Variants in ETNK1 observed in about 807,000 individuals in gnomAD.
ETNK1 encodes the protein putative protein product of Nbla10396.
ETNK1 carries 8 observed loss-of-function variants against 45.1 expected under a neutral mutation model. The ratio of observed to expected loss-of-function variants is 0.18; its 90% CI spans 0.10 to 0.32. The LOEUF (loss-of-function observed/expected upper bound fraction) is 0.32. ETNK1 is among the 10% of genes least tolerant of loss of function. ETNK1 has a pLI of 1.00. For synonymous variants in ETNK1, 152 were observed against 151.9 expected, an observed-to-expected ratio of 1.00 and a Z score of -0.01; for missense variants, 302 against 430.6, an observed-to-expected ratio of 0.70 and a Z score of 2.64.
intron 1 of ETNK1, 26 bp from the exon 2 acceptor site, chr12:22,643,737 C>T: frequency 1.3e-6 from 2 of 1,556,384 alleles, no homozygotes; most frequent in Admixed American, 1.9e-5. Flanking sequence ...GCTTTTTTTC[C>T]CATTTTTAAA....
intron 2 of ETNK1, among the ~76,000 whole-genome samples, chr12:22,645,002 T>C (rs1953789685): frequency 6.6e-6 from 1 of 151,954 alleles, no homozygotes; most frequent in African/African-American, 2.4e-5. Context: ...TATATTAAAA[T>C]ATTTTGTCAT....
At chr12:22,652,324 TA>T (rs1953888147) in intron 2 of ETNK1, among the ~76,000 whole-genome samples, 2 of 152,224 alleles carry the variant, frequency 1.3e-5, no homozygotes, top group South Asian at 4.1e-4. Context: ...CATGGATATG[TA>T]AATATGTTTT....
intron 4 of ETNK1, among the ~76,000 whole-genome samples, chr12:22,662,833 C>G (rs928778744): frequency 6.6e-6 from 1 of 152,140 alleles, no homozygotes; most frequent in African/African-American, 2.4e-5. Context: ...CTGTTTATGA[C>G]CCTTCTTAGA....
chr12:22,663,118 G>A (rs1269898908), intron 4 of ETNK1, among the ~76,000 whole-genome samples: 1 of 152,140 alleles, frequency 6.6e-6, no homozygotes, highest in Non-Finnish European at 1.5e-5. Flanking sequence ...GTACTTGACA[G>A]TGTCCTTTAA....
chr12:22,681,592 GTA>G (rs1191099495), intron 6 of ETNK1, among the ~76,000 whole-genome samples: 1 of 151,770 alleles, frequency 6.6e-6, no homozygotes, highest in Non-Finnish European at 1.5e-5. Flanking sequence ...ATAATTAACA[GTA>G]TTTAACATAT....
intron 6 of ETNK1, among the ~76,000 whole-genome samples, chr12:22,677,028 A>G (rs1215646856): frequency 2.0e-5 from 3 of 151,926 alleles, no homozygotes; most frequent in Middle Eastern, 3.2e-3. Context: ...TCCCATTTGT[A>G]TACTTTGGCT....
rs4453283 is a variant in ETNK1 at position 22,638,373 on chromosome 12, T to G, written c.157-5390T>G. ...TTTAAATGATTCTCCTGCCTCAGCCTCCCTAGTAGCTGGAATTACAGGCAT... is the reference window on the plus strand; with the variant it reads ...TTTAAATGATTCTCCTGCCTCAGCCGCCCTAGTAGCTGGAATTACAGGCAT... On this transcript the variant is annotated intron_variant, in intron 1 of 7. Coordinates refer to ENST00000266517, the MANE Select transcript of ETNK1 (RefSeq NM_018638.5). 33 of 151,906 alleles carry G rather than the reference T, an allele frequency of 2.2e-4. 1 individual carries two copies. The East Asian group carries it at 6.0e-3, about 28-fold the overall frequency. 9.4% of individuals were successfully genotyped at this position (151,906 alleles called of 1,614,324 possible). A position where few individuals can be genotyped will look rare whatever the true frequency, so the allele number is the denominator to read the frequency against.
Position 22,644,123 on chromosome 12 carries a change from T to C in ETNK1, c.416+101T>C, listed in dbSNP as rs113749442. 1.5e-5 allele frequency: 23 copies of C among 1,487,048 alleles called. No individual in the cohort carries two copies. The African/African-American group carries it at 2.4e-4, about 16-fold the overall frequency. The allele number at this position is 1,487,048 out of a possible 1,614,324, so 92.1% of individuals were successfully genotyped here. ...TGTCTTTGTTTGAGCAACTATTTGG[T>C]TAACTTAGAAACTTTCTTTAGCTAG... On this transcript the variant is annotated intron_variant, in intron 2 of 7. Coordinates refer to ENST00000266517, the MANE Select transcript of ETNK1 (RefSeq NM_018638.5).
rs754407615 is a variant in ETNK1, at chr12:22,643,825, T to A, written c.219T>A (p.Asp73Glu). The change falls in exon 2 of 8, where the codon GAT (aspartate) becomes GAA (glutamate). Residue 73 changes from aspartate to glutamate, a missense_variant. By Grantham distance (45) the Asp-to-Glu change is conservative (BLOSUM62 2). Around this residue, in one of 3 missense-constraint regions of ETNK1, gnomAD observed 205 missense variants for 259.9 expected, o/e 0.79. Transcript: ENST00000266517. ...GTTACGTGGGAAACACCATGGAGGATGTAGTCCTGGTGAGAATTTATGGCA... is the reference window on the plus strand; with the variant it reads ...GTTACGTGGGAAACACCATGGAGGAAGTAGTCCTGGTGAGAATTTATGGCA... ...IGCYVGNTME[D>E]VVLVRIYGNK... 4 of 1,613,088 alleles carry A rather than the reference T, an allele frequency of 2.5e-6. No homozygotes were observed. In the East Asian group the frequency reaches 8.9e-5, roughly 36 times the overall value.
chr12:22,637,408 A>G (rs1432505148), intron 1 of ETNK1, among the ~76,000 whole-genome samples: 1 of 152,216 alleles, frequency 6.6e-6, no homozygotes, highest in Non-Finnish European at 1.5e-5. Flanking sequence ...GGCCCATTAG[A>G]TGATTTTTAT....
rs115590851 is a variant in ETNK1 at position 22,690,573 on chromosome 12, C to T, written c.*5619C>T. The T allele has an allele frequency of 6.6e-3, 1,003 of 152,542 alleles. 11 individuals carry two copies. The highest frequency in any genetic ancestry group is 0.023 in the African/African-American group (958 of 41,532). The allele number at this position is 152,542 out of a possible 1,614,324, so 9.4% of individuals were successfully genotyped here. A position where few individuals can be genotyped will look rare whatever the true frequency, so the allele number is the denominator to read the frequency against. On this transcript the variant is annotated 3_prime_UTR_variant, in exon 8 of 8. Coordinates refer to ENST00000266517, the MANE Select transcript of ETNK1 (RefSeq NM_018638.5). ...TTATTTCTGTTAATAAGGCTTTTTA[C>T]CATTGATTAAATGAAGGAATGTATC...
At position 22,684,583 on chromosome 12, in the gene ETNK1, C is replaced by T. The variant is rs372612250; in HGVS notation, c.1019+27C>T. ...TAAGTTAAATTTTATTATATGATTACATTGGTCTCTGCTTTTGTTTGGATT... is the reference window on the plus strand; with the variant it reads ...TAAGTTAAATTTTATTATATGATTATATTGGTCTCTGCTTTTGTTTGGATT... On this transcript the variant is annotated intron_variant, in intron 7 of 7. Coordinates refer to ENST00000266517, the MANE Select transcript of ETNK1 (RefSeq NM_018638.5). 4.4e-5 allele frequency: 60 copies of T among 1,375,522 alleles called. No homozygotes were observed. In the African/African-American group the frequency reaches 6.8e-4, roughly 15 times the overall value. 85.2% of individuals were successfully genotyped at this position (1,375,522 alleles called of 1,614,324 possible). A position where few individuals can be genotyped will look rare whatever the true frequency, so the allele number is the denominator to read the frequency against.
intron 1 of ETNK1, among the ~76,000 whole-genome samples, chr12:22,641,720 C>T (rs1469939111): frequency 6.6e-6 from 1 of 152,162 alleles, no homozygotes; most frequent in South Asian, 2.1e-4. Flanking sequence ...TTTAAACTAC[C>T]TAGTATCTTT....
intron 1 of ETNK1, among the ~76,000 whole-genome samples, chr12:22,636,096 G>A (rs1953652485): frequency 6.6e-6 from 1 of 152,162 alleles, no homozygotes; most frequent in Non-Finnish European, 1.5e-5. Context: ...CTGGGAGGTT[G>A]AGGCTGCAGT....
At position 22,685,034 on chromosome 12, in the gene ETNK1, G is replaced by T. The variant is rs138515741; in HGVS notation, c.*80G>T. ...AAGAAATCCCAAAAAGCCAATATTA[G>T]TTAAAATTCTGTTGTTTAATTTGGT... On this transcript the variant is annotated 3_prime_UTR_variant, in exon 8 of 8. Coordinates refer to ENST00000266517, the MANE Select transcript of ETNK1 (RefSeq NM_018638.5). 3,510 of 988,308 alleles carry T rather than the reference G, an allele frequency of 3.6e-3. 10 individuals are homozygous for T. Among genetic ancestry groups the T allele is most frequent in the South Asian group, 6.3e-3 (391 of 61,740 alleles). 61.2% of individuals were successfully genotyped at this position (988,308 alleles called of 1,614,324 possible). A position where few individuals can be genotyped will look rare whatever the true frequency, so the allele number is the denominator to read the frequency against.
At chr12:22,680,033 C>G (rs1346230244) in intron 6 of ETNK1, among the ~76,000 whole-genome samples, 1 of 152,070 alleles carries the variant, frequency 6.6e-6, no homozygotes, top group Non-Finnish European at 1.5e-5. Flanking sequence ...CATTTTAAAG[C>G]TGTGTGACAA....
chr12:22,677,278 A>G (rs1039908127), intron 6 of ETNK1, among the ~76,000 whole-genome samples: 2 of 152,116 alleles, frequency 1.3e-5, no homozygotes, highest in African/African-American at 4.8e-5. Flanking sequence ...TTTTTTCCCC[A>G]TTGCTTGTTT....
chr12:22,627,693 A>G (rs541726208), intron 1 of ETNK1, among the ~76,000 whole-genome samples: 1 of 152,266 alleles, frequency 6.6e-6, no homozygotes, highest in African/African-American at 2.4e-5. Context: ...TATGTATTAT[A>G]TAGTCGACAG....
chr12:22,646,315 G>T (rs1264407321), intron 2 of ETNK1, among the ~76,000 whole-genome samples: 1 of 151,730 alleles, frequency 6.6e-6, no homozygotes, highest in Non-Finnish European at 1.5e-5. Flanking sequence ...AAATAGGAGT[G>T]TGGTTTTATT....
Sources: allele counts gnomAD v4.1 joint callset (sites outside exome capture counted in the v4.1 genomes callset), GRCh38; gene constraint gnomAD v4.1.1; regional missense constraint gnomAD v4.1.1; transcripts MANE v1.5; gene names NCBI Gene and HGNC (gene_info 2026-07-23, HGNC 2026-07-21).